Variants in CERT1 observed in about 807,000 individuals in gnomAD.
The protein encoded by CERT1 is ceramide transporter 1.
Under a neutral mutation model 87.9 loss-of-function variants are expected in CERT1, and 31 were observed. That is an observed-to-expected ratio of 0.35 (90% CI 0.27 to 0.48). The LOEUF (loss-of-function observed/expected upper bound fraction) is 0.48, where lower values mean the gene tolerates loss of function less well. CERT1 is among the 20% of genes least tolerant of loss of function. The probability of loss-of-function intolerance (pLI) is 0.99; values close to 1 mark genes in which losing one functional copy is unlikely to be tolerated. For synonymous variants in CERT1, 289 were observed against 250.9 expected (o/e 1.15, Z -1.44); for missense variants, 487 against 758.0 (o/e 0.64, Z 4.20).
chr5:75,413,216 T>A (rs534235495), intron 7 of CERT1, among the ~76,000 whole-genome samples: 1 of 152,220 alleles, frequency 6.6e-6, no homozygotes, highest in Non-Finnish European at 1.5e-5. Flanking sequence ...TCCATTATCA[T>A]GTTATGGGAC....
intron 3 of CERT1, among the ~76,000 whole-genome samples, chr5:75,443,105 T>G (rs1764393082): frequency 6.6e-6 from 1 of 152,142 alleles, no homozygotes. Context: ...TGAATGTTCT[T>G]TTTTCCTTAG....
At chr5:75,508,425 C>A (rs757280547) in intron 1 of CERT1, among the ~76,000 whole-genome samples, 8 of 152,160 alleles carry the variant, frequency 5.3e-5, no homozygotes, top group Non-Finnish European at 5.9e-5. Context: ...GAAGCCCCAG[C>A]AATTATGTAT....
In CERT1 at chr5:75,477,759, A is replaced by T. The variant is rs566336385; in HGVS notation, c.232-18578T>A. On this transcript the variant is annotated intron_variant, in intron 2 of 16. Coordinates refer to ENST00000643780, the MANE Select transcript of CERT1 (RefSeq NM_001379029.1). ...TTTAATAAGCAAGTTTGTATATATA[A>T]AAAAAATCACATCAAGGATTAACAG... Among the ~76,000 whole-genome samples, 104 of 152,044 alleles carry T rather than the reference A, an allele frequency of 6.8e-4. 1 individual carries two copies. The highest frequency in any genetic ancestry group is 2.4e-3 in the African/African-American group (99 of 41,516).
intron 4 of CERT1, 110 bp from the exon 5 acceptor site, chr5:75,425,609 A>G: frequency 1.0e-6 from 1 of 1,000,550 alleles, no homozygotes; most frequent in South Asian, 1.6e-5. Context: ...AACTGAGGGC[A>G]TGGGATAAGG....
chr5:75,448,601 CAGCA>C (rs1266222264), intron 3 of CERT1, among the ~76,000 whole-genome samples: 1 of 152,168 alleles, frequency 6.6e-6, no homozygotes, highest in Non-Finnish European at 1.5e-5. Flanking sequence ...TCCTAATACT[CAGCA>C]AGCAAAATTG....
intron 5 of CERT1, among the ~76,000 whole-genome samples, chr5:75,422,119 C>T (rs965140994): frequency 1.3e-5 from 2 of 152,168 alleles, no homozygotes; most frequent in Non-Finnish European, 2.9e-5. Flanking sequence ...CTCCCCTCAA[C>T]CCCTGAATAT....
At chr5:75,475,195 C>T (rs1017289953) in intron 2 of CERT1, among the ~76,000 whole-genome samples, 2 of 152,090 alleles carry the variant, frequency 1.3e-5, no homozygotes, top group South Asian at 4.1e-4. Flanking sequence ...ACCATACTGA[C>T]AATTTAATGA....
chr5:75,500,490 T>C (rs183598923), intron 2 of CERT1, among the ~76,000 whole-genome samples: 6 of 152,316 alleles, frequency 3.9e-5, no homozygotes, highest in Admixed American at 2.6e-4. Flanking sequence ...ATCTGAATCA[T>C]GTTATTGAAA....
intron 3 of CERT1, among the ~76,000 whole-genome samples, chr5:75,447,774 T>TC (rs949017078): frequency 2.0e-5 from 3 of 150,516 alleles, no homozygotes; most frequent in Non-Finnish European, 4.4e-5. Flanking sequence ...ACACCCGGCC[T>TC]CCTTTTTTTT....
rs915955740 is a variant in CERT1, at chr5:75,378,743, A to T, written c.*603T>A. On this transcript the variant is annotated 3_prime_UTR_variant, in exon 17 of 17. Coordinates refer to ENST00000643780, the MANE Select transcript of CERT1 (RefSeq NM_001379029.1). ...AAAAATCTGGAGGAATATACAACAA[A>T]AATAACAGTTTCTGGGAAAGGAAAG... The T allele has an allele frequency of 1.3e-5, 2 of 152,282 alleles. No individual in the cohort carries two copies. Among genetic ancestry groups the T allele is most frequent in the Non-Finnish European group, 2.9e-5 (2 of 68,062 alleles). The allele number at this position is 152,282 out of a possible 1,614,324, so 9.4% of individuals were successfully genotyped here.
intron 2 of CERT1, among the ~76,000 whole-genome samples, chr5:75,462,990 CAA>C (rs1174306526): frequency 2.8e-4 from 11 of 38,908 alleles, no homozygotes; most frequent in African/African-American, 5.9e-4. Context: ...GACTCCGTCT[CAA>C]AAAAAAAAAA....
intron 3 of CERT1, among the ~76,000 whole-genome samples, chr5:75,433,978 T>C (rs1048719376): frequency 2.6e-5 from 4 of 152,218 alleles, no homozygotes; most frequent in Admixed American, 2.0e-4. Context: ...AGATGCCTTT[T>C]ATTTCCTTCT....
At chr5:75,371,337 G>A (rs945938059) in intron 17 of CERT1, 22 of 152,132 alleles carry the variant, frequency 1.4e-4, no homozygotes, top group African/African-American at 5.1e-4. Flanking sequence ...ACTAAATACT[G>A]GTGAAAAGTG....
chr5:75,476,545 G>A (rs1307024243), intron 2 of CERT1, among the ~76,000 whole-genome samples: 1 of 151,974 alleles, frequency 6.6e-6, no homozygotes, highest in Non-Finnish European at 1.5e-5. Context: ...CTTCCTTAAG[G>A]TTTTGACTCA....
At chr5:75,507,391 G>A (rs979028116) in intron 1 of CERT1, among the ~76,000 whole-genome samples, 2 of 152,174 alleles carry the variant, frequency 1.3e-5, no homozygotes, top group East Asian at 1.9e-4. Flanking sequence ...GACTACAGGT[G>A]AGCCACCATC....
intron 9 of CERT1, 116 bp downstream of exon 9, chr5:75,402,856 T>C: frequency 1.6e-6 from 1 of 628,746 alleles, no homozygotes; most frequent in Non-Finnish European, 2.8e-6. Flanking sequence ...ACAGTTAAGC[T>C]TCTAGGTTAT....
intron 2 of CERT1, among the ~76,000 whole-genome samples, chr5:75,468,434 C>A (rs1443823727): frequency 6.6e-6 from 1 of 152,102 alleles, no homozygotes; most frequent in Non-Finnish European, 1.5e-5. Flanking sequence ...CTGGGCCTGC[C>A]ACAGTAAAAA....
intron 3 of CERT1, among the ~76,000 whole-genome samples, chr5:75,435,609 T>G: frequency 6.6e-6 from 1 of 152,166 alleles, no homozygotes; most frequent in Non-Finnish European, 1.5e-5. Context: ...TTTTTTTATA[T>G]TGTTTGAGGC....
chr5:75,406,949 ATGTC>A (rs1762729677), intron 8 of CERT1, among the ~76,000 whole-genome samples: 1 of 152,158 alleles, frequency 6.6e-6, no homozygotes. Context: ...AACATCATGA[ATGTC>A]TGATTATAAC....
Sources: gnomAD v4.1 joint callset for allele counts (sites outside exome capture counted in the v4.1 genomes callset) on GRCh38, gnomAD v4.1.1 for gene constraint, MANE v1.5 for transcripts, NCBI Gene and HGNC (gene_info 2026-07-23, HGNC 2026-07-21) for gene names.